Variants in SCAND3 observed in about 807,000 individuals in gnomAD.
SCAND3 encodes the protein SCAN domain-containing protein 3.
the SCAND3 span, among the ~76,000 whole-genome samples, chr6:28,605,754 G>A: frequency 6.6e-6 from 1 of 151,932 alleles, no homozygotes; most frequent in Non-Finnish European, 1.5e-5. Flanking sequence ...GCTGAGGCAA[G>A]AGAATCATTT....
chr6:28,579,151 T>C, the SCAND3 span: 568 of 893,910 alleles, frequency 6.4e-4, no homozygotes, highest in Middle Eastern at 1.4e-3. This position sits in a 1 kb window ranked among gnomAD's most constrained non-coding sequence, Gnocchi z 4.5. Flanking sequence ...TGATTGGCTT[T>C]TCCTTCAACT....
the SCAND3 span, among the ~76,000 whole-genome samples, chr6:28,580,708 G>C: frequency 6.6e-6 from 1 of 152,128 alleles, no homozygotes; most frequent in Non-Finnish European, 1.5e-5. Context: ...TGTAATGTTA[G>C]TATACACAAT....
At chr6:28,613,084 TTATAAA>T in the SCAND3 span, among the ~76,000 whole-genome samples, 1 of 152,180 alleles carries the variant, frequency 6.6e-6, no homozygotes. Flanking sequence ...AGACTGTATA[TTATAAA>T]ATATACACTC....
the SCAND3 span, among the ~76,000 whole-genome samples, chr6:28,609,252 GA>G: frequency 6.6e-6 from 1 of 152,150 alleles, no homozygotes; most frequent in African/African-American, 2.4e-5. Context: ...TATATATCTG[GA>G]AGCCACCCCT....
At chr6:28,597,337 A>C in the SCAND3 span, among the ~76,000 whole-genome samples, 2 of 152,206 alleles carry the variant, frequency 1.3e-5, no homozygotes, top group Non-Finnish European at 2.9e-5. Context: ...AAACCTCCAG[A>C]AACGACGAGG....
At chr6:28,592,027 G>A in the SCAND3 span, among the ~76,000 whole-genome samples, 3 of 151,970 alleles carry the variant, frequency 2.0e-5, no homozygotes, top group Non-Finnish European at 4.4e-5. The surrounding 1 kb of genome is among the most constrained non-coding windows in gnomAD (Gnocchi z 4.1). Flanking sequence ...CCATAGATAC[G>A]GAAAAAGTAT....
At chr6:28,602,998 T>C in the SCAND3 span, among the ~76,000 whole-genome samples, 1 of 140,096 alleles carries the variant, frequency 7.1e-6, no homozygotes, top group African/African-American at 2.8e-5. Flanking sequence ...AGTCTCACTC[T>C]GTCGCCCAGG....
chr6:28,594,995 T>A, the SCAND3 span, among the ~76,000 whole-genome samples: 199 of 151,870 alleles, frequency 1.3e-3, 1 homozygote, highest in African/African-American at 4.6e-3. Flanking sequence ...CTATCGACAA[T>A]AATTTAAAAA....
the SCAND3 span, among the ~76,000 whole-genome samples, chr6:28,604,539 C>A: frequency 6.6e-6 from 1 of 151,736 alleles, no homozygotes. Context: ...TTGCTTGAGC[C>A]CGGGACGCAG....
At chr6:28,575,781 A>C in the SCAND3 span, 1 of 1,614,128 alleles carries the variant, frequency 6.2e-7, no homozygotes, top group Non-Finnish European at 8.5e-7. This position sits in a 1 kb window ranked among gnomAD's most constrained non-coding sequence, Gnocchi z 4.2. Context: ...GCAGAATGTC[A>C]AATAAGTCCT....
chr6:28,595,223 A>T, the SCAND3 span, among the ~76,000 whole-genome samples: 2 of 137,534 alleles, frequency 1.5e-5, no homozygotes, highest in Admixed American at 1.5e-4. Context: ...AAAAAAAAAA[A>T]GCAGTCCCAG....
chr6:28,589,488 CTGAA>C, the SCAND3 span: 1 of 152,150 alleles, frequency 6.6e-6, no homozygotes, highest in African/African-American at 2.4e-5. Flanking sequence ...GGCTTGGCCT[CTGAA>C]TGTGGGAAAA....
the SCAND3 span, among the ~76,000 whole-genome samples, chr6:28,603,253 C>T: frequency 2.4e-4 from 37 of 152,124 alleles, no homozygotes; most frequent in East Asian, 2.7e-3. Context: ...CCACCGTGCC[C>T]GCCCAAAATA....
the SCAND3 span, among the ~76,000 whole-genome samples, chr6:28,594,455 G>A: frequency 7.2e-5 from 11 of 152,036 alleles, no homozygotes; most frequent in Admixed American, 2.6e-4. Context: ...AGTAGTTTGA[G>A]ACCAGCCTGG....
the SCAND3 span, among the ~76,000 whole-genome samples, chr6:28,598,183 C>T: frequency 6.6e-6 from 1 of 152,104 alleles, no homozygotes; most frequent in African/African-American, 2.4e-5. Flanking sequence ...ACCGTGTGAC[C>T]TGGGCGGGCC....
the SCAND3 span, chr6:28,573,217 T>G: frequency 6.2e-7 from 1 of 1,614,122 alleles, no homozygotes; most frequent in Non-Finnish European, 8.5e-7. Context: ...TTTTATTTGT[T>G]CTATGAGTTG....
At chr6:28,585,823 G>C in the SCAND3 span, among the ~76,000 whole-genome samples, 1 of 151,998 alleles carries the variant, frequency 6.6e-6, no homozygotes, top group Non-Finnish European at 1.5e-5. Context: ...AAATAATTTT[G>C]AGCTCAAAAC....
chr6:28,614,689 T>C, the SCAND3 span, among the ~76,000 whole-genome samples: 2 of 152,086 alleles, frequency 1.3e-5, no homozygotes, highest in Non-Finnish European at 1.5e-5. Flanking sequence ...GGTCTTGAAC[T>C]CCTGGCCTCA....
chr6:28,571,702 A>G, the SCAND3 span: 1 of 451,304 alleles, frequency 2.2e-6, no homozygotes, highest in African/African-American at 2.0e-5. Flanking sequence ...AAATATGAGG[A>G]AAAATAGAAT....
Sources: gnomAD v4.1 joint callset for allele counts (sites outside exome capture counted in the v4.1 genomes callset) on GRCh38, gnomAD v4.1.1 for gene constraint, Gnocchi (gnomAD v3.1) non-coding constraint, MANE v1.5 for transcripts, NCBI Gene and HGNC (gene_info 2026-07-23, HGNC 2026-07-21) for gene names.